TTC3: variants seen among roughly 807,000 people sequenced by gnomAD.
TTC3 encodes tetratricopeptide repeat domain 3, also known as E3 ubiquitin-protein ligase TTC3.
Under a neutral mutation model 249.6 loss-of-function variants are expected in TTC3, and 180 were observed. The observed-to-expected ratio is 0.72, with a 90% CI of 0.64 to 0.82. TTC3 has a LOEUF of 0.82. Among genes scored for constraint, TTC3 ranks in the 40% least tolerant of loss-of-function variants. The probability of loss-of-function intolerance (pLI) is 0.00; values close to 1 mark genes in which losing one functional copy is unlikely to be tolerated. For synonymous variants in TTC3, 717 were observed against 805.0 expected, an observed-to-expected ratio of 0.89 and a Z score of 1.85; for missense variants, 2,061 against 2,398.4, an observed-to-expected ratio of 0.86 and a Z score of 2.94.
intron 41 of TTC3, among the ~76,000 whole-genome samples, chr21:37,195,195 G>A (rs1435623834): frequency 1.3e-5 from 2 of 152,204 alleles, no homozygotes; most frequent in African/African-American, 4.8e-5. Flanking sequence ...TTTGGCCTCA[G>A]GCAGCTGCAT....
intron 16 of TTC3, among the ~76,000 whole-genome samples, chr21:37,129,687 G>T (rs1238022295): frequency 6.6e-6 from 1 of 152,076 alleles, no homozygotes; most frequent in Admixed American, 6.6e-5. Context: ...CTGCGGTGCA[G>T]TGGTGTAACC....
chr21:37,198,850 ATT>A (rs5843816), intron 44 of TTC3, among the ~76,000 whole-genome samples: 7 of 149,800 alleles, frequency 4.7e-5, no homozygotes, highest in Admixed American at 4.0e-4. Context: ...GTTGTTTTCC[ATT>A]TTTTTTTTTA....
chr21:37,076,063 A>G (rs1412274375), intron 1 of TTC3, among the ~76,000 whole-genome samples: 1 of 152,234 alleles, frequency 6.6e-6, no homozygotes, highest in African/African-American at 2.4e-5. Flanking sequence ...GCTTACTTCC[A>G]GAGGTGACTA....
chr21:37,108,658 T>C (rs1363265165), intron 11 of TTC3, among the ~76,000 whole-genome samples: 3 of 152,090 alleles, frequency 2.0e-5, no homozygotes, highest in African/African-American at 2.4e-5. Context: ...TGTGGGCATC[T>C]TGAGTCTTCA....
At chr21:37,090,342 C>G (rs1233944205) in intron 6 of TTC3, 56 bp downstream of exon 6, 14 of 1,434,250 alleles carry the variant, frequency 9.8e-6, no homozygotes, top group African/African-American at 5.6e-5. Context: ...GCAGTCATCT[C>G]ACTGCTCATT....
intron 11 of TTC3, among the ~76,000 whole-genome samples, chr21:37,113,693 G>C (rs2075872916): frequency 6.6e-6 from 1 of 152,114 alleles, no homozygotes; most frequent in Non-Finnish European, 1.5e-5. Context: ...CTACTTTAAA[G>C]TTCATATGGA....
At chr21:37,202,242 A>G (rs866792270) in exon 46 of TTC3, 1 of 152,170 alleles carries the variant, frequency 6.6e-6, no homozygotes. Flanking sequence ...TCTTTTATAG[A>G]TGTAATCTGA....
chr21:37,128,924 T>C, intron 15 of TTC3, 79 bp from the exon 16 acceptor site: 3 of 1,140,154 alleles, frequency 2.6e-6, no homozygotes, highest in East Asian at 2.7e-5. Context: ...CTCCAATTTA[T>C]ATTTTAAAAA....
At chr21:37,149,242 C>A (rs1002976079) in intron 23 of TTC3, among the ~76,000 whole-genome samples, 1 of 152,166 alleles carries the variant, frequency 6.6e-6, no homozygotes, top group African/African-American at 2.4e-5. Flanking sequence ...TGTTTCTGAT[C>A]TATAGAAACT....
At chr21:37,090,661 C>T (rs2073149398) in intron 6 of TTC3, 1 of 343,414 alleles carries the variant, frequency 2.9e-6, no homozygotes, top group Non-Finnish European at 4.1e-6. Context: ...TTTAATGATA[C>T]TGATGCCATA....
chr21:37,188,235 T>C (rs1422053606), intron 38 of TTC3: 5 of 333,038 alleles, frequency 1.5e-5, no homozygotes, highest in Non-Finnish European at 2.3e-5. Flanking sequence ...TATATATAGC[T>C]TAAGCAGAAA....
rs140592492 is a variant in TTC3 at position 37,116,994 on chromosome 21, C to T, written c.901-4823C>T. Among the ~76,000 whole-genome samples the T allele has an allele frequency of 1.4e-4, 22 of 152,124 alleles. No individual in the cohort carries two copies. The East Asian group carries it at 3.3e-3, about 23-fold the overall frequency. Reference sequence around the variant, plus strand: ...ATTTGATACTTCCATTACTGCTCTGCGGATAGCCTTCATTAGATTAATTGT... The same window carrying T: ...ATTTGATACTTCCATTACTGCTCTGTGGATAGCCTTCATTAGATTAATTGT... On this transcript the variant is annotated intron_variant, in intron 11 of 45. Transcript: ENST00000355666.
At chr21:37,183,842 A>G (rs2082980343) in intron 36 of TTC3, among the ~76,000 whole-genome samples, 1 of 152,132 alleles carries the variant, frequency 6.6e-6, no homozygotes, top group Non-Finnish European at 1.5e-5. Flanking sequence ...CTGTCACAGC[A>G]TCATCTCTGC....
chr21:37,116,446 AG>A (rs1240001544), intron 11 of TTC3, among the ~76,000 whole-genome samples: 3 of 152,194 alleles, frequency 2.0e-5, no homozygotes, highest in African/African-American at 7.2e-5. Flanking sequence ...AAATGTTAAC[AG>A]TTAATTCTGG....
chr21:37,176,953 A>G (rs1016193783), intron 35 of TTC3, among the ~76,000 whole-genome samples: 1 of 152,166 alleles, frequency 6.6e-6, no homozygotes, highest in Admixed American at 6.5e-5. Flanking sequence ...AATCACTGTC[A>G]TAATAATGCT....
chr21:37,108,926 C>T (rs958386471), intron 11 of TTC3, among the ~76,000 whole-genome samples: 1 of 152,144 alleles, frequency 6.6e-6, no homozygotes, highest in African/African-American at 2.4e-5. Flanking sequence ...TAATTTGCCA[C>T]ATATATAACT....
chr21:37,191,886 G>T (rs1343732278), intron 40 of TTC3, among the ~76,000 whole-genome samples: 1 of 152,226 alleles, frequency 6.6e-6, no homozygotes, highest in Non-Finnish European at 1.5e-5. Flanking sequence ...ACCGCGCCCA[G>T]CCGGAAGTAG....
chr21:37,132,193 C>T (rs866172577), intron 16 of TTC3, among the ~76,000 whole-genome samples: 1 of 152,074 alleles, frequency 6.6e-6, no homozygotes, highest in Non-Finnish European at 1.5e-5. Context: ...GCCAAAATGC[C>T]AATTCCCCCC....
chr21:37,108,515 G>C lies in TTC3; in HGVS notation c.900+69G>C, dbSNP rs2075303947. The stretch of plus-strand genomic sequence containing the variant: ...AACATTGTGAAAAATCTGTTTATAG[G>C]GTGTGTTTGTTCATAAAAATGCTAT... On this transcript the variant is annotated intron_variant, in intron 11 of 45. Coordinates refer to ENST00000355666, the Ensembl canonical transcript of TTC3. The C allele has an allele frequency of 5.6e-6, 8 of 1,431,802 alleles. No homozygotes were observed. In the Admixed American group the frequency reaches 1.7e-4, roughly 30 times the overall value. 88.7% of individuals were successfully genotyped at this position (1,431,802 alleles called of 1,614,324 possible). A position where few individuals can be genotyped will look rare whatever the true frequency, so the allele number is the denominator to read the frequency against.
Sources: allele counts gnomAD v4.1 joint callset (sites outside exome capture counted in the v4.1 genomes callset), GRCh38; gene constraint gnomAD v4.1.1; transcripts MANE v1.5; gene names NCBI Gene and HGNC (gene_info 2026-07-23, HGNC 2026-07-21).